The following PLEKHM3 variants were observed in gnomAD, a reference collection of about 807,000 sequenced individuals.
The protein encoded by PLEKHM3 is pleckstrin homology domain-containing family M member 3.
PLEKHM3 carries 45 observed loss-of-function variants against 81.8 expected under a neutral mutation model. The observed-to-expected ratio is 0.55, with a 90% CI of 0.43 to 0.71. PLEKHM3 has a LOEUF of 0.71. Ranked by LOEUF, PLEKHM3 falls within the 30% of genes least tolerant of loss-of-function variation. The pLI, the probability that PLEKHM3 is intolerant of heterozygous loss-of-function variation, is 0.00. For missense variants in PLEKHM3, 788 were observed against 924.3 expected (o/e 0.85, Z 1.91); for synonymous variants, 352 against 356.4 (o/e 0.99, Z 0.14).
At chr2:208,010,831 G>A (rs1192476937) in intron 1 of PLEKHM3, among the ~76,000 whole-genome samples, 2 of 152,120 alleles carry the variant, frequency 1.3e-5, no homozygotes, top group Non-Finnish European at 2.9e-5. Context: ...ACAGGACTGT[G>A]TTTATCTAAT....
intron 3 of PLEKHM3, among the ~76,000 whole-genome samples, chr2:207,957,340 C>G (rs1293158108): frequency 6.6e-6 from 1 of 152,114 alleles, no homozygotes; most frequent in Admixed American, 6.5e-5. Context: ...TGGTGAAGGT[C>G]CTATTTTTAT....
At chr2:207,872,579 T>G in intron 6 of PLEKHM3, among the ~76,000 whole-genome samples, 1 of 152,232 alleles carries the variant, frequency 6.6e-6, no homozygotes, top group South Asian at 2.1e-4. Flanking sequence ...GGCTCATGCC[T>G]GTAATCCCAG....
intron 1 of PLEKHM3, among the ~76,000 whole-genome samples, chr2:208,004,983 G>A (rs1464306246): frequency 3.9e-5 from 6 of 151,978 alleles, no homozygotes; most frequent in South Asian, 2.1e-4. Context: ...CCGCCACCAC[G>A]CCTGGCTAAT....
intron 6 of PLEKHM3, among the ~76,000 whole-genome samples, chr2:207,865,764 G>T (rs1574349064): frequency 2.2e-5 from 1 of 45,480 alleles, no homozygotes; most frequent in African/African-American, 8.0e-5. Flanking sequence ...TGGGCAACAA[G>T]AACAAAAACT....
chr2:207,880,323 C>T (rs1353226791), intron 6 of PLEKHM3, among the ~76,000 whole-genome samples: 1 of 151,532 alleles, frequency 6.6e-6, no homozygotes, highest in Non-Finnish European at 1.5e-5. Flanking sequence ...ACAGGAATCA[C>T]TTGAACCCAG....
rs922808440 is a variant in PLEKHM3 at position 207,842,085 on chromosome 2, A to C, written c.2109-13589T>G. On this transcript the variant is annotated intron_variant, in intron 7 of 7. Transcript: ENST00000427836. ...CCCCAGTAGCTGGGACTATAGGCGC[A>C]CGCCACCACGCCCAGCTAATTTTTT... is the stretch of plus-strand genomic sequence containing the variant. 7.9e-5 allele frequency among the ~76,000 whole-genome samples: 12 copies of C among 152,090 alleles called. No homozygotes were observed. In the East Asian group the frequency reaches 1.4e-3, roughly 17 times the overall value.
chr2:207,899,165 C>T (rs1363201680), intron 6 of PLEKHM3, among the ~76,000 whole-genome samples: 1 of 152,152 alleles, frequency 6.6e-6, no homozygotes, highest in Non-Finnish European at 1.5e-5. Flanking sequence ...TCTGAGGTTG[C>T]CATGCATCCT....
rs138818205 is a variant in PLEKHM3, at chr2:207,973,565, C to G, written c.1546+3086G>C. Among the ~76,000 whole-genome samples, 1,395 of 152,176 alleles carry G rather than the reference C, an allele frequency of 9.2e-3. 9 individuals are homozygous for G. The highest frequency in any genetic ancestry group is 0.024 in the Middle Eastern group (7 of 294). On this transcript the variant is annotated intron_variant, in intron 3 of 7. Transcript: ENST00000427836. Reference sequence around the variant, plus strand: ...ACCAGCCTGACCAACATGGAGAAACCCTCATCTCTACTAAAAGTACAAAAT... The same window carrying G: ...ACCAGCCTGACCAACATGGAGAAACGCTCATCTCTACTAAAAGTACAAAAT...
intron 2 of PLEKHM3, among the ~76,000 whole-genome samples, chr2:207,981,918 T>C (rs1392352091): frequency 1.3e-5 from 2 of 152,190 alleles, no homozygotes; most frequent in Non-Finnish European, 2.9e-5. Context: ...ATGAATACAG[T>C]TGACTCTTGA....
chr2:207,988,625 C>T (rs1031867282), intron 2 of PLEKHM3, among the ~76,000 whole-genome samples: 5 of 152,166 alleles, frequency 3.3e-5, no homozygotes, highest in African/African-American at 1.2e-4. Flanking sequence ...TTGCAATTCT[C>T]TCTCTACTAA....
chr2:207,862,198 C>G (rs528135496), intron 6 of PLEKHM3, among the ~76,000 whole-genome samples: 1 of 152,330 alleles, frequency 6.6e-6, no homozygotes, highest in African/African-American at 2.4e-5. Context: ...CTTTGCTTCT[C>G]TCTAATTAAT....
At chr2:207,999,883 A>G (rs1460103815) in intron 2 of PLEKHM3, among the ~76,000 whole-genome samples, 2 of 152,248 alleles carry the variant, frequency 1.3e-5, no homozygotes, top group Non-Finnish European at 2.9e-5. Context: ...AATACCATGC[A>G]ATGATAGAAA....
At chr2:208,002,268 A>G (rs1366175944) in intron 1 of PLEKHM3, among the ~76,000 whole-genome samples, 1 of 152,234 alleles carries the variant, frequency 6.6e-6, no homozygotes, top group Non-Finnish European at 1.5e-5. Context: ...TGCTGACCTA[A>G]AATAGTAAGC....
chr2:207,962,943 A>G (rs1193644366), intron 3 of PLEKHM3, among the ~76,000 whole-genome samples: 1 of 149,312 alleles, frequency 6.7e-6, no homozygotes, highest in Non-Finnish European at 1.5e-5. Flanking sequence ...AAAAAAAAAG[A>G]CGTGCCCGGA....
chr2:207,995,966 A>T (rs1692107799), intron 2 of PLEKHM3, among the ~76,000 whole-genome samples: 1 of 152,224 alleles, frequency 6.6e-6, no homozygotes, highest in Admixed American at 6.5e-5. Flanking sequence ...AAATTATCTC[A>T]AATGATTGCC....
intron 3 of PLEKHM3, among the ~76,000 whole-genome samples, chr2:207,964,861 A>C (rs1690860988): frequency 6.6e-6 from 1 of 152,238 alleles, no homozygotes; most frequent in African/African-American, 2.4e-5. Flanking sequence ...CTGCAAAATT[A>C]ACCTGTACTT....
intron 6 of PLEKHM3, among the ~76,000 whole-genome samples, chr2:207,885,300 T>G (rs1319673440): frequency 6.6e-6 from 1 of 152,234 alleles, no homozygotes; most frequent in African/African-American, 2.4e-5. Context: ...CAATTATATA[T>G]CCTGACAAAC....
chr2:207,887,947 T>C (rs1687930528), intron 6 of PLEKHM3, among the ~76,000 whole-genome samples: 1 of 152,198 alleles, frequency 6.6e-6, no homozygotes, highest in Non-Finnish European at 1.5e-5. Context: ...GACCCTATAC[T>C]GGGCCTATGT....
At chr2:207,835,034 G>A (rs7575583) in intron 7 of PLEKHM3, among the ~76,000 whole-genome samples, 98,968 of 150,596 alleles carry the variant, frequency 0.66, 32,919 homozygotes, top group African/African-American at 0.75. Flanking sequence ...TCTGCCTTCC[G>A]GTTTCGAGTG....
Sources: gnomAD v4.1 joint callset for allele counts (sites outside exome capture counted in the v4.1 genomes callset) on GRCh38, gnomAD v4.1.1 for gene constraint, MANE v1.5 for transcripts, NCBI Gene and HGNC (gene_info 2026-07-23, HGNC 2026-07-21) for gene names.